The following TG variants were observed in gnomAD, a reference collection of about 807,000 sequenced individuals.
The protein encoded by TG is thyroglobulin.
In TG, 270 loss-of-function variants were observed where a neutral mutation model predicts 324.7. That is an observed-to-expected ratio of 0.83 (90% CI 0.75 to 0.92). The LOEUF (loss-of-function observed/expected upper bound fraction) is 0.92, where lower values mean the gene tolerates loss of function less well. Ranked by LOEUF, TG falls within the 40% of genes least tolerant of loss-of-function variation. The probability of loss-of-function intolerance (pLI) is 0.00; values close to 1 mark genes in which losing one functional copy is unlikely to be tolerated. For synonymous variants in TG, 1,401 were observed against 1,327.0 expected, an observed-to-expected ratio of 1.06 and a Z score of -1.21; for missense variants, 3,591 against 3,456.4, an observed-to-expected ratio of 1.04 and a Z score of -0.98.
At chr8:132,913,351 C>T (rs1365913334) in intron 20 of TG, 86 bp downstream of exon 20, 6 of 1,371,934 alleles carry the variant, frequency 4.4e-6, no homozygotes, top group Non-Finnish European at 6.2e-6. Context: ...AGAGGCTACT[C>T]TGGACATCCA....
intron 5 of TG, among the ~76,000 whole-genome samples, chr8:132,875,719 A>C (rs560078172): frequency 9.8e-5 from 15 of 152,362 alleles, no homozygotes; most frequent in African/African-American, 3.4e-4. Context: ...GAAACACAAA[A>C]ATTTACTCCT....
chr8:133,052,747 A>T (rs551380611), intron 41 of TG, among the ~76,000 whole-genome samples: 1 of 152,342 alleles, frequency 6.6e-6, no homozygotes, highest in African/African-American at 2.4e-5. Flanking sequence ...ACAATTGCAA[A>T]TACAAAATGA....
intron 34 of TG, among the ~76,000 whole-genome samples, chr8:132,980,305 T>A (rs11786334): frequency 6.6e-6 from 1 of 151,680 alleles, no homozygotes; most frequent in Non-Finnish European, 1.5e-5. Flanking sequence ...GGAGATTGAG[T>A]GCATTGACCA....
chr8:133,017,831 C>T lies in TG; in HGVS notation c.6616C>T (p.His2206Tyr). Residue 2206 changes from histidine (H) to tyrosine (Y), a missense_variant, in exon 38 of 48, where the codon CAT becomes TAT. Transcript: ENST00000220616. ...ASVPSVPIST[H>Y]GRLLGRSQAI... ...TGTACCTTCTGTGCCCATTTCCACC[C>T]ATGGCCGGCTGCTGGGCAGGTCCCA... 7.4e-6 allele frequency: 12 copies of T among 1,614,198 alleles called. No individual in the cohort carries two copies. The highest frequency in any genetic ancestry group is 1.0e-5 in the Non-Finnish European group (12 of 1,180,046).
intron 30 of TG, 39 bp downstream of exon 30, chr8:132,966,736 CTG>C: frequency 6.2e-7 from 1 of 1,612,938 alleles, no homozygotes; most frequent in South Asian, 1.1e-5. Context: ...CTTCCAGACA[CTG>C]TAGTCAGGCA....
chr8:132,907,484 C>T (rs1170760467), intron 17 of TG, among the ~76,000 whole-genome samples: 1 of 152,118 alleles, frequency 6.6e-6, no homozygotes, highest in South Asian at 2.1e-4. Context: ...ACTCTGGGAC[C>T]TGGCACTTGG....
intron 41 of TG, among the ~76,000 whole-genome samples, chr8:133,079,076 T>C (rs1845346588): frequency 6.6e-6 from 1 of 152,200 alleles, no homozygotes; most frequent in Non-Finnish European, 1.5e-5. Context: ...TCTAGGTCCA[T>C]GTACTGAGTC....
chr8:133,123,088 A>G (rs55711184), intron 45 of TG, among the ~76,000 whole-genome samples: 3,344 of 152,130 alleles, frequency 0.022, 117 homozygotes, highest in African/African-American at 0.077. Context: ...AGCTGTGCCA[A>G]CCACAAATGC....
At chr8:133,041,191 G>T (rs564227855) in intron 41 of TG, among the ~76,000 whole-genome samples, 48 of 152,338 alleles carry the variant, frequency 3.2e-4, no homozygotes, top group African/African-American at 1.1e-3. Flanking sequence ...CTCCGGCAGG[G>T]CTAAGCCACC....
At chr8:132,955,916 T>C (rs569917513) in intron 27 of TG, among the ~76,000 whole-genome samples, 3 of 152,358 alleles carry the variant, frequency 2.0e-5, no homozygotes, top group African/African-American at 7.2e-5. Flanking sequence ...CCTCAAGTTC[T>C]CAGTGTGTTT....
chr8:132,945,583 A>T (rs1046312905), intron 26 of TG, among the ~76,000 whole-genome samples: 10 of 152,204 alleles, frequency 6.6e-5, no homozygotes, highest in Non-Finnish European at 1.5e-4. Context: ...TAAATGTGTA[A>T]ATTACAGCTT....
chr8:132,951,824 A>G (rs1459783730), intron 27 of TG, among the ~76,000 whole-genome samples: 1 of 152,220 alleles, frequency 6.6e-6, no homozygotes, highest in African/African-American at 2.4e-5. Context: ...CCTGGAGGTG[A>G]GAGGGAGGGA....
intron 41 of TG, among the ~76,000 whole-genome samples, chr8:133,070,905 C>T (rs7002393): frequency 0.19 from 29,671 of 152,192 alleles, 3,189 homozygotes; most frequent in Non-Finnish European, 0.24. Flanking sequence ...TGGGTGGCTC[C>T]AAGACTGTGA....
chr8:132,949,329 A>G (rs1190945764), intron 27 of TG, among the ~76,000 whole-genome samples: 1 of 152,208 alleles, frequency 6.6e-6, no homozygotes, highest in Non-Finnish European at 1.5e-5. Context: ...CAGAAGCAGG[A>G]AAAAGGAGAA....
chr8:133,021,298 G>A (rs997106366), intron 39 of TG, among the ~76,000 whole-genome samples: 9 of 152,214 alleles, frequency 5.9e-5, no homozygotes, highest in African/African-American at 1.7e-4. Flanking sequence ...CAGTCACAGA[G>A]CATCCAAGGG....
Position 132,970,045 on chromosome 8 carries a change from C to T in TG, c.5975+476C>T, listed in dbSNP as rs534114320. On this transcript the variant is annotated intron_variant, in intron 32 of 47. Transcript: ENST00000220616. Reference sequence around the variant, plus strand: ...ACTGATAGTAAACACAACATTTAGCCTTGAACTACTCGCTGGATGATGAAA... The same window carrying T: ...ACTGATAGTAAACACAACATTTAGCTTTGAACTACTCGCTGGATGATGAAA... 1.1e-4 allele frequency among the ~76,000 whole-genome samples: 16 copies of T among 151,740 alleles called. No homozygotes were observed. The South Asian group carries it at 3.1e-3, about 30-fold the overall frequency.
chr8:132,983,309 G>C, intron 34 of TG, 41 bp from the exon 35 acceptor site: 1 of 1,598,388 alleles, frequency 6.3e-7, no homozygotes, highest in Non-Finnish European at 8.6e-7. Context: ...ATGATACCAT[G>C]GGGGTAGAAA....
intron 5 of TG, among the ~76,000 whole-genome samples, chr8:132,881,643 G>A (rs947882613): frequency 9.9e-5 from 15 of 152,194 alleles, no homozygotes; most frequent in Non-Finnish European, 1.9e-4. Context: ...CGACAGCTAT[G>A]CACAGCTTTA....
chr8:132,986,055 C>G (rs2130718105), intron 35 of TG, among the ~76,000 whole-genome samples: 1 of 152,226 alleles, frequency 6.6e-6, no homozygotes, highest in South Asian at 2.1e-4. Flanking sequence ...GTCTTCAGCA[C>G]TGTGCTAAGC....
Sources: allele counts gnomAD v4.1 joint callset (sites outside exome capture counted in the v4.1 genomes callset), GRCh38; gene constraint gnomAD v4.1.1; transcripts MANE v1.5; gene names NCBI Gene and HGNC (gene_info 2026-07-23, HGNC 2026-07-21).